KALRN: variants seen among roughly 807,000 people sequenced by gnomAD.
KALRN encodes kalirin RhoGEF kinase.
A neutral mutation model predicts 353.7 loss-of-function variants in KALRN; 70 were observed. The observed-to-expected ratio is 0.20, with a 90% CI of 0.16 to 0.24. The LOEUF is 0.24. Among genes scored for constraint, KALRN ranks in the 10% least tolerant of loss-of-function variants. The probability of loss-of-function intolerance (pLI) is 1.00; values close to 1 mark genes in which losing one functional copy is unlikely to be tolerated. For missense variants in KALRN, 2,791 were observed against 3,756.7 expected (o/e 0.74, Z 6.72); for synonymous variants, 1,391 against 1,434.8 (o/e 0.97, Z 0.69).
chr3:124,227,683 T>TG (rs2078703962), intron 1 of KALRN, among the ~76,000 whole-genome samples: 11 of 114,864 alleles, frequency 9.6e-5, no homozygotes, highest in African/African-American at 3.7e-4. Flanking sequence ...TTTTTTTTTT[T>TG]TTTTTTTTTT....
At chr3:124,491,787 A>G (rs2063189436) in intron 31 of KALRN, 2 of 168,808 alleles carry the variant, frequency 1.2e-5, no homozygotes, top group Non-Finnish European at 2.5e-5. Context: ...CTCCACATTC[A>G]TTTGACATTT....
In KALRN at chr3:124,702,102, G is replaced by A. The variant is rs149001580; in HGVS notation, c.8061G>A (p.Leu2687=). Residue 2687 remains leucine, a synonymous_variant, in exon 57 of 60, where the codon CTG becomes CTA. Coordinates refer to ENST00000682506, the MANE Select transcript of KALRN (RefSeq NM_001388419.1). ...KENFDSAYTE[L]NEIGRGRFSI... ...ATTTTGACTCAGCTTACACTGAGCT[G>A]AATGAAATTGGAAGGTAATGACACA... The A allele has an allele frequency of 5.1e-5, 83 of 1,611,904 alleles. No homozygotes were observed. The African/African-American group carries it at 9.6e-4, about 19-fold the overall frequency.
At chr3:124,315,573 C>T (rs992666381) in intron 6 of KALRN, among the ~76,000 whole-genome samples, 3 of 152,042 alleles carry the variant, frequency 2.0e-5, no homozygotes, top group Admixed American at 6.5e-5. Context: ...CCGTCCACTG[C>T]TCTCTCAGGT....
intron 34 of KALRN, among the ~76,000 whole-genome samples, chr3:124,601,533 T>C (rs1169725892): frequency 1.3e-5 from 2 of 152,214 alleles, no homozygotes; most frequent in East Asian, 3.8e-4. Context: ...ACAATTGTTA[T>C]TAAAAAGAGA....
At chr3:124,689,932 G>T (rs1306614338) in intron 51 of KALRN, among the ~76,000 whole-genome samples, 1 of 152,172 alleles carries the variant, frequency 6.6e-6, no homozygotes, top group Admixed American at 6.6e-5. Context: ...AGACTTAGAG[G>T]TACCTACAGC....
chr3:124,320,864 A>T (rs142164394), intron 6 of KALRN, among the ~76,000 whole-genome samples: 49 of 152,300 alleles, frequency 3.2e-4, no homozygotes, highest in African/African-American at 1.1e-3. Context: ...GGTTTGTGGC[A>T]TGTGGGGCAT....
At chr3:124,576,946 A>G (rs2074162944) in intron 34 of KALRN, among the ~76,000 whole-genome samples, 1 of 152,064 alleles carries the variant, frequency 6.6e-6, no homozygotes, top group Non-Finnish European at 1.5e-5. Context: ...TAAAACCTGG[A>G]GTGGTTTGTT....
chr3:124,650,714 T>A lies in KALRN; in HGVS notation c.5665-94T>A, dbSNP rs2083314021. ...GTGAGAACAGCCTTGGCTACTGATT[T>A]TCCATGTTGTCTGTGGCTAGGCTGG... is the stretch of plus-strand genomic sequence containing the variant. On this transcript the variant is annotated intron_variant, in intron 37 of 59. Transcript: ENST00000682506. 2.6e-5 allele frequency: 33 copies of A among 1,281,838 alleles called. No individual in the cohort carries two copies. In the South Asian group the frequency reaches 4.0e-4, roughly 16 times the overall value. 79.4% of individuals were successfully genotyped at this position (1,281,838 alleles called of 1,614,324 possible).
chr3:124,584,774 C>A, intron 34 of KALRN: 1 of 1,565,040 alleles, frequency 6.4e-7, no homozygotes, highest in Non-Finnish European at 8.7e-7. Context: ...GCTCTCACCC[C>A]GGGCTGGCGC....
intron 1 of KALRN, among the ~76,000 whole-genome samples, chr3:124,119,307 T>C (rs2063750446): frequency 6.6e-6 from 1 of 152,194 alleles, no homozygotes; most frequent in Non-Finnish European, 1.5e-5. Flanking sequence ...GTTCCCAATG[T>C]CTTCACATCT....
chr3:124,228,145 TTAG>T, intron 2 of KALRN, 81 bp downstream of exon 2: 1 of 1,138,298 alleles, frequency 8.8e-7, no homozygotes, highest in Non-Finnish European at 1.3e-6. Context: ...CACTTGTGTG[TTAG>T]TAGGGGAGAA....
intron 12 of KALRN, chr3:124,395,670 T>C: frequency 6.4e-6 from 2 of 314,218 alleles, no homozygotes; most frequent in East Asian, 1.5e-4. Flanking sequence ...TATTTGCTCA[T>C]GCAGAGAAAT....
intron 1 of KALRN, among the ~76,000 whole-genome samples, chr3:124,199,630 A>G (rs1031686257): frequency 6.6e-6 from 1 of 152,154 alleles, no homozygotes; most frequent in Non-Finnish European, 1.5e-5. Context: ...CTTTTTTCTT[A>G]AAGAGTAAAG....
At chr3:124,352,176 A>G (rs1242251218) in intron 10 of KALRN, among the ~76,000 whole-genome samples, 1 of 152,234 alleles carries the variant, frequency 6.6e-6, no homozygotes. Flanking sequence ...CACATATTTT[A>G]AGAGACATTA....
intron 10 of KALRN, among the ~76,000 whole-genome samples, chr3:124,368,696 G>C (rs2149772144): frequency 6.8e-6 from 1 of 147,134 alleles, no homozygotes; most frequent in Admixed American, 6.7e-5. Flanking sequence ...GGCACTTTGG[G>C]AAGCCAAGGC....
At chr3:124,150,889 G>A (rs1182653293) in intron 1 of KALRN, among the ~76,000 whole-genome samples, 1 of 152,146 alleles carries the variant, frequency 6.6e-6, no homozygotes, top group Non-Finnish European at 1.5e-5. Flanking sequence ...CCTCTCAAGG[G>A]TAATCTCTGT....
At chr3:124,393,479 G>A (rs1387482498) in intron 11 of KALRN, among the ~76,000 whole-genome samples, 2 of 152,176 alleles carry the variant, frequency 1.3e-5, no homozygotes, top group African/African-American at 4.8e-5. Context: ...ATGTATCCCA[G>A]CTTATATGGT....
At chr3:124,384,078 G>A (rs937320200) in intron 10 of KALRN, among the ~76,000 whole-genome samples, 1 of 152,188 alleles carries the variant, frequency 6.6e-6, no homozygotes, top group African/African-American at 2.4e-5. Context: ...CTATTCTAAA[G>A]GCAGTGGCTC....
chr3:124,239,299 G>C (rs1422199625), intron 3 of KALRN, among the ~76,000 whole-genome samples: 2 of 152,180 alleles, frequency 1.3e-5, no homozygotes, highest in Non-Finnish European at 2.9e-5. Flanking sequence ...TTGACGAAAT[G>C]CTTGAAATAG....
Sources: allele counts gnomAD v4.1 joint callset (sites outside exome capture counted in the v4.1 genomes callset), GRCh38; gene constraint gnomAD v4.1.1; transcripts MANE v1.5; gene names NCBI Gene and HGNC (gene_info 2026-07-23, HGNC 2026-07-21).